Variants in ZNF207 observed in about 807,000 individuals in gnomAD.
ZNF207 encodes zinc finger protein 207.
ZNF207 carries 24 observed loss-of-function variants against 60.2 expected under a neutral mutation model. The observed-to-expected ratio is 0.40, with a 90% confidence interval of 0.29 to 0.56. The LOEUF is 0.56. ZNF207 is among the 20% of genes least tolerant of loss of function. ZNF207 has a pLI of 0.49. For synonymous variants in ZNF207, 236 were observed against 194.7 expected, an observed-to-expected ratio of 1.21 and a Z score of -1.77; for missense variants, 452 against 636.6, an observed-to-expected ratio of 0.71 and a Z score of 3.12.
rs1232942892 is a variant in ZNF207, at chr17:32,377,232, A to G, written c.*7473A>G. 6.6e-6 allele frequency: 1 copy of G among 152,046 alleles called. No homozygotes were observed. The highest frequency in any genetic ancestry group is 1.5e-5 in the Non-Finnish European group (1 of 67,902). 9.4% of individuals were successfully genotyped at this position (152,046 alleles called of 1,614,324 possible). A position where few individuals can be genotyped will look rare whatever the true frequency, so the allele number is the denominator to read the frequency against. On this transcript the variant is annotated 3_prime_UTR_variant, in exon 12 of 12. Coordinates refer to ENST00000394670, the MANE Select transcript of ZNF207 (RefSeq NM_001098507.2). ...TTGCATTTGTTAGTGAGGTCTCACC[A>G]TAGTATTTTAATGTAGCTTCTTATT...
At chr17:32,356,092 A>G (rs1018620327) in intron 2 of ZNF207, among the ~76,000 whole-genome samples, 1 of 152,220 alleles carries the variant, frequency 6.6e-6, no homozygotes, top group Non-Finnish European at 1.5e-5. Flanking sequence ...TAGACCTGGC[A>G]GTTAAATCAT....
At chr17:32,369,477 C>T (rs1312491603) in intron 11 of ZNF207, 23 bp downstream of exon 11, 3 of 1,609,874 alleles carry the variant, frequency 1.9e-6, no homozygotes, top group South Asian at 1.1e-5. Flanking sequence ...TTATGTTTTT[C>T]ATATTTAGTG....
At position 32,357,608 on chromosome 17, in the gene ZNF207, A is replaced by G. The variant is rs111545046; in HGVS notation, c.169-895A>G. On this transcript the variant is annotated intron_variant, in intron 2 of 11. Coordinates refer to ENST00000394670, the MANE Select transcript of ZNF207 (RefSeq NM_001098507.2). The stretch of plus-strand genomic sequence containing the variant: ...GTGATCCGCCCGCCTCGGCCTCCCA[A>G]AGTGCTGGGATTACAGGCGTGAGCC... Among the ~76,000 whole-genome samples, 1,317 of 151,394 alleles carry G rather than the reference A, an allele frequency of 8.7e-3. 17 individuals are homozygous for G. The highest frequency in any genetic ancestry group is 0.029 in the African/African-American group (1,178 of 41,238).
At chr17:32,358,733 G>GAGT (rs929108507) in intron 3 of ZNF207, 92 bp downstream of exon 3, 5 of 1,013,636 alleles carry the variant, frequency 4.9e-6, no homozygotes, top group Admixed American at 8.3e-5. Context: ...GCCGAGGCTG[G>GAGT]AGTACAGTGG....
intron 10 of ZNF207, 176 bp from the exon 11 acceptor site, chr17:32,369,119 A>T: frequency 1.7e-6 from 1 of 578,274 alleles, no homozygotes; most frequent in African/African-American, 1.9e-5. Context: ...GTGAAGTTTT[A>T]AGGTATCTAG....
rs1905463675 is a variant in ZNF207 at position 32,371,603 on chromosome 17, G to A, written c.*1844G>A. On this transcript the variant is annotated 3_prime_UTR_variant, in exon 12 of 12. Transcript: ENST00000394670. ...ATCTGTACAAAACATTTAAAAATTA[G>A]CCAGGCGCGTTAGTGTGTGTCTGTG... 1 of 152,146 alleles carries A rather than the reference G, an allele frequency of 6.6e-6. No homozygotes were observed. Among genetic ancestry groups the A allele is most frequent in the Non-Finnish European group, 1.5e-5 (1 of 68,044 alleles). 9.4% of individuals were successfully genotyped at this position (152,146 alleles called of 1,614,324 possible). A position where few individuals can be genotyped will look rare whatever the true frequency, so the allele number is the denominator to read the frequency against.
intron 1 of ZNF207, 145 bp from the exon 2 acceptor site, chr17:32,351,641 A>G: frequency 6.4e-7 from 1 of 1,557,504 alleles, no homozygotes; most frequent in Non-Finnish European, 8.7e-7. Context: ...TGTAGTCCCT[A>G]ATTGTGTAAT....
rs1187997589 is a variant in ZNF207, at chr17:32,378,559, C to T, written c.*8800C>T. The T allele has an allele frequency of 1.3e-5, 2 of 151,956 alleles. No homozygotes were observed. Among genetic ancestry groups the T allele is most frequent in the African/African-American group, 4.8e-5 (2 of 41,392 alleles). 9.4% of individuals were successfully genotyped at this position (151,956 alleles called of 1,614,324 possible). A position where few individuals can be genotyped will look rare whatever the true frequency, so the allele number is the denominator to read the frequency against. On this transcript the variant is annotated 3_prime_UTR_variant, in exon 12 of 12. Coordinates refer to ENST00000394670, the MANE Select transcript of ZNF207 (RefSeq NM_001098507.2). ...TTGGTGTACCAGTGAGTTCATTTTA[C>T]TGTAAACTAAGAATAACATACCTTT...
Position 32,372,609 on chromosome 17 carries a change from G to A in ZNF207, c.*2850G>A, listed in dbSNP as rs1002671945. On this transcript the variant is annotated 3_prime_UTR_variant, in exon 12 of 12. Transcript: ENST00000394670. ...AAAACTTAAGCTCATGAGTTCCTGAGTTTGTAGCTATAGGCTCAGAGGTGG... is the reference window on the plus strand; with the variant it reads ...AAAACTTAAGCTCATGAGTTCCTGAATTTGTAGCTATAGGCTCAGAGGTGG... The A allele has an allele frequency of 2.6e-5, 4 of 152,212 alleles. No individual in the cohort carries two copies. Among genetic ancestry groups the A allele is most frequent in the African/African-American group, 9.6e-5 (4 of 41,460 alleles). The allele number at this position is 152,212 out of a possible 1,614,324, so 9.4% of individuals were successfully genotyped here. A position where few individuals can be genotyped will look rare whatever the true frequency, so the allele number is the denominator to read the frequency against.
rs1481802570 is a variant in ZNF207, at chr17:32,377,803, A to G, written c.*8044A>G. 1 of 151,916 alleles carries G rather than the reference A, an allele frequency of 6.6e-6. No homozygotes were observed. The highest frequency in any genetic ancestry group is 1.5e-5 in the Non-Finnish European group (1 of 67,758). 9.4% of individuals were successfully genotyped at this position (151,916 alleles called of 1,614,324 possible). The stretch of plus-strand genomic sequence containing the variant: ...TGTTTAAAAAAAAAAAAAACTAGGG[A>G]AAAGTTTTAAATGTATTAGTATCAG... On this transcript the variant is annotated 3_prime_UTR_variant, in exon 12 of 12. Transcript: ENST00000394670.
intron 5 of ZNF207, 183 bp from the exon 6 acceptor site, chr17:32,361,285 C>T (rs1289401512): frequency 6.9e-6 from 4 of 578,476 alleles, no homozygotes; most frequent in Non-Finnish European, 6.0e-6. Flanking sequence ...GTAGTTGTGA[C>T]AAGAAGCAGA....
chr17:32,364,724 G>C (rs1483323334), intron 7 of ZNF207, among the ~76,000 whole-genome samples: 1 of 152,170 alleles, frequency 6.6e-6, no homozygotes, highest in East Asian at 1.9e-4. Flanking sequence ...AATGATAGTT[G>C]ATGTAAATGG....
At chr17:32,353,635 C>CTGGGCATGGTGGCAGGCACATG (rs1383444658) in intron 2 of ZNF207, among the ~76,000 whole-genome samples, 12 of 114,980 alleles carry the variant, frequency 1.0e-4, no homozygotes, top group African/African-American at 3.7e-4. Flanking sequence ...CAAAAATTAG[C>CTGGGCATGGTGGCAGGCACATG]TGGGCATGGT....
At chr17:32,350,420 C>A in intron 1 of ZNF207, 94 bp downstream of exon 1, 1 of 1,553,360 alleles carries the variant, frequency 6.4e-7, no homozygotes, top group Non-Finnish European at 8.9e-7. Flanking sequence ...CGGCGTGGAG[C>A]GTTTGTATTT....
At chr17:32,353,669 A>G (rs1162666895) in intron 2 of ZNF207, among the ~76,000 whole-genome samples, 1 of 14,366 alleles carries the variant, frequency 7.0e-5, no homozygotes, top group African/African-American at 3.0e-4. Flanking sequence ...AGTCCTGGCT[A>G]CGGGGGCGGG....
rs1034768747 is a variant in ZNF207 at position 32,381,779 on chromosome 17, G to T, written c.*12020G>T. On this transcript the variant is annotated 3_prime_UTR_variant, in exon 12 of 12. Transcript: ENST00000394670. ...AAAGTGGAAAGATTTTTGCTTCTGC[G>T]TTATTAAGAGCCTCTTTGTTTGGAG... 1 of 152,060 alleles carries T rather than the reference G, an allele frequency of 6.6e-6. No homozygotes were observed. The highest frequency in any genetic ancestry group is 1.5e-5 in the Non-Finnish European group (1 of 68,008). The allele number at this position is 152,060 out of a possible 1,614,324, so 9.4% of individuals were successfully genotyped here.
At chr17:32,353,126 A>G (rs2041536055) in intron 2 of ZNF207, among the ~76,000 whole-genome samples, 1 of 152,192 alleles carries the variant, frequency 6.6e-6, no homozygotes, top group African/African-American at 2.4e-5. Context: ...GTGAGCTGAG[A>G]TGGTGCCACT....
rs1007735498 is a variant in ZNF207, at chr17:32,379,358, A to G, written c.*9599A>G. The G allele has an allele frequency of 6.6e-6, 1 of 152,078 alleles. No individual in the cohort carries two copies. The highest frequency in any genetic ancestry group is 6.5e-5 in the Admixed American group (1 of 15,270). The allele number at this position is 152,078 out of a possible 1,614,324, so 9.4% of individuals were successfully genotyped here. A position where few individuals can be genotyped will look rare whatever the true frequency, so the allele number is the denominator to read the frequency against. On this transcript the variant is annotated 3_prime_UTR_variant, in exon 12 of 12. Transcript: ENST00000394670. ...AAGAATATTAGAAAATTATTTTACC[A>G]CCTGGCATTTCCCTTTTAATTTGCT...
chr17:32,367,605 T>C (rs965926169), intron 9 of ZNF207, among the ~76,000 whole-genome samples, 167 bp from the exon 10 acceptor site: 2 of 152,126 alleles, frequency 1.3e-5, no homozygotes, highest in Non-Finnish European at 2.9e-5. Flanking sequence ...GATATTTTTA[T>C]GGGTTATCTT....
Sources: gnomAD v4.1 joint callset for allele counts (sites outside exome capture counted in the v4.1 genomes callset) on GRCh38, gnomAD v4.1.1 for gene constraint, MANE v1.5 for transcripts, NCBI Gene and HGNC (gene_info 2026-07-23, HGNC 2026-07-21) for gene names.